NTAN1: variants seen among roughly 807,000 people sequenced by gnomAD.
The protein encoded by NTAN1 is protein N-terminal asparagine amidohydrolase.
In NTAN1, 32 loss-of-function variants were observed where a neutral mutation model predicts 41.9. The observed-to-expected ratio is 0.76, with a 90% CI of 0.58 to 1.03. The LOEUF is 1.03. Among genes scored for constraint, NTAN1 ranks in the 50% least tolerant of loss-of-function variants. The pLI is 0.00. For missense variants in NTAN1, 377 were observed against 377.5 expected, an observed-to-expected ratio of 1.00 and a Z score of 0.01; for synonymous variants, 140 against 139.5, an observed-to-expected ratio of 1.00 and a Z score of -0.03.
At chr16:15,041,799 G>A (rs899934487) in intron 5 of NTAN1, 123 bp from the exon 6 acceptor site, 18 of 737,462 alleles carry the variant, frequency 2.4e-5, no homozygotes, top group South Asian at 4.1e-5. Context: ...CCTACAGCCC[G>A]CGCCCACACT....
chr16:15,042,748 A>ATTTATTTT, intron 5 of NTAN1, among the ~76,000 whole-genome samples: 1 of 149,728 alleles, frequency 6.7e-6, no homozygotes, highest in Middle Eastern at 3.2e-3. Context: ...TTATTTATTT[A>ATTTATTTT]TTGAGACGAA....
At chr16:15,049,707 G>A (rs1025503115) in intron 1 of NTAN1, among the ~76,000 whole-genome samples, 3 of 152,166 alleles carry the variant, frequency 2.0e-5, no homozygotes, top group Non-Finnish European at 2.9e-5. Context: ...ATTATAGCAT[G>A]AGCCACCATG....
intron 1 of NTAN1, 81 bp from the exon 2 acceptor site, chr16:15,048,180 G>A: frequency 1.0e-6 from 1 of 976,066 alleles, no homozygotes; most frequent in Non-Finnish European, 1.6e-6. Context: ...GAGCCAAAGT[G>A]GGCTCTGCGT....
intron 3 of NTAN1, 49 bp from the exon 4 acceptor site, chr16:15,047,599 A>G (rs773682286): frequency 2.3e-5 from 31 of 1,349,684 alleles, no homozygotes; most frequent in Middle Eastern, 1.8e-4. Context: ...ATGCGAGTGC[A>G]GTGCGCAGGC....
intron 1 of NTAN1, among the ~76,000 whole-genome samples, chr16:15,052,877 C>A (rs769983250): frequency 2.0e-5 from 3 of 152,042 alleles, no homozygotes; most frequent in African/African-American, 4.8e-5. Context: ...AGCTACGCTG[C>A]GAGCATCTTG....
chr16:15,054,900 T>A (rs927484827), intron 1 of NTAN1, among the ~76,000 whole-genome samples: 6 of 152,188 alleles, frequency 3.9e-5, no homozygotes, highest in African/African-American at 1.4e-4. Context: ...TCTAAATGCC[T>A]TCCCCAACCC....
chr16:15,044,020 G>T (rs545815467), intron 5 of NTAN1, among the ~76,000 whole-genome samples: 4 of 152,162 alleles, frequency 2.6e-5, no homozygotes, highest in Non-Finnish European at 4.4e-5. Flanking sequence ...ATTTTCTGCA[G>T]ATTAAAATGG....
chr16:15,040,734 A>G (rs2043776278), intron 7 of NTAN1, among the ~76,000 whole-genome samples: 1 of 152,118 alleles, frequency 6.6e-6, no homozygotes, highest in Admixed American at 6.5e-5. Context: ...CTGGCAGGAG[A>G]AAAGCACGCC....
chr16:15,041,266 T>G (rs1484727853), intron 6 of NTAN1, 145 bp from the exon 7 acceptor site: 2 of 673,498 alleles, frequency 3.0e-6, no homozygotes, highest in Non-Finnish European at 5.3e-6. Flanking sequence ...TGGCCCTGTT[T>G]CCCTACCCTG....
At chr16:15,041,195 G>A in intron 6 of NTAN1, 74 bp from the exon 7 acceptor site, 1 of 990,604 alleles carries the variant, frequency 1.0e-6, no homozygotes, top group South Asian at 1.3e-5. Context: ...GTATAATAAA[G>A]GCGAAGGAGG....
intron 4 of NTAN1, 117 bp downstream of exon 4, chr16:15,047,325 A>C: frequency 2.8e-6 from 2 of 715,104 alleles, no homozygotes; most frequent in Non-Finnish European, 5.0e-6. Flanking sequence ...TTCCAGGGGA[A>C]CGAGGCAGAC....
At chr16:15,043,332 G>A (rs148979500) in intron 5 of NTAN1, among the ~76,000 whole-genome samples, 293 of 152,292 alleles carry the variant, frequency 1.9e-3, no homozygotes, top group African/African-American at 5.0e-3. Flanking sequence ...CACCGTGCCC[G>A]GCCGGATATG....
chr16:15,047,180 G>C, intron 4 of NTAN1: 1 of 499,760 alleles, frequency 2.0e-6, no homozygotes, highest in Non-Finnish European at 3.6e-6. Context: ...TCGCAACCTC[G>C]ACGTTCCTGA....
chr16:15,047,383 G>T, intron 4 of NTAN1, 59 bp downstream of exon 4: 1 of 1,109,378 alleles, frequency 9.0e-7, no homozygotes, highest in Non-Finnish European at 1.4e-6. Context: ...CCACAGCCAC[G>T]TCCTGTATGC....
At chr16:15,048,411 G>A (rs1412907021) in intron 1 of NTAN1, among the ~76,000 whole-genome samples, 3 of 152,044 alleles carry the variant, frequency 2.0e-5, no homozygotes, top group Non-Finnish European at 4.4e-5. Flanking sequence ...AAAGACACAG[G>A]GCCTCACTAT....
intron 1 of NTAN1, among the ~76,000 whole-genome samples, chr16:15,048,978 CA>C (rs2044191205): frequency 6.8e-6 from 1 of 146,892 alleles, no homozygotes; most frequent in South Asian, 2.2e-4. Flanking sequence ...AGGCTGGTCT[CA>C]AACTCCTGGG....
chr16:15,047,750 G>C lies in NTAN1; in HGVS notation c.250+105C>G. ...ATGCAGACCAGAAAAAAGGTAAGCG[G>C]AGTCCGCTTCCAACAAGACACCAGG... On this transcript the variant is annotated intron_variant, in intron 3 of 9. Transcript: ENST00000287706. The C allele has an allele frequency of 3.8e-6, 4 of 1,046,070 alleles. No individual in the cohort carries two copies. The Admixed American group carries it at 6.9e-5, about 18-fold the overall frequency. The allele number at this position is 1,046,070 out of a possible 1,614,324, so 64.8% of individuals were successfully genotyped here. A position where few individuals can be genotyped will look rare whatever the true frequency, so the allele number is the denominator to read the frequency against.
Position 15,055,879 on chromosome 16 carries a change from C to T in NTAN1, c.81+12G>A. Reference sequence around the variant, plus strand: ...GGGCCCGCCCCGAAGCCCCGCGCCGCGCCCCACTCACCTCCAAAGGCGGGT... The same window carrying T: ...GGGCCCGCCCCGAAGCCCCGCGCCGTGCCCCACTCACCTCCAAAGGCGGGT... On this transcript the variant is annotated intron_variant, in intron 1 of 9. Coordinates refer to ENST00000287706, the MANE Select transcript of NTAN1 (RefSeq NM_173474.4). The T allele has an allele frequency of 8.2e-7, 1 of 1,218,060 alleles. No homozygotes were observed. The highest frequency in any genetic ancestry group is 1.0e-6 in the Non-Finnish European group (1 of 975,014). 75.5% of individuals were successfully genotyped at this position (1,218,060 alleles called of 1,614,324 possible).
At chr16:15,055,135 T>C (rs2044453193) in intron 1 of NTAN1, among the ~76,000 whole-genome samples, 1 of 152,142 alleles carries the variant, frequency 6.6e-6, no homozygotes, top group Non-Finnish European at 1.5e-5. Flanking sequence ...TTGATTCCCC[T>C]TTAACAGGAT....
Sources: gnomAD v4.1 joint callset for allele counts (sites outside exome capture counted in the v4.1 genomes callset) on GRCh38, gnomAD v4.1.1 for gene constraint, MANE v1.5 for transcripts, NCBI Gene and HGNC (gene_info 2026-07-23, HGNC 2026-07-21) for gene names.